Variants in DMD observed in about 807,000 individuals in gnomAD.
DMD encodes the protein mutant dystrophin.
In DMD, 63 loss-of-function variants were observed where a neutral mutation model predicts 330.1. The observed-to-expected ratio is 0.19, with a 90% confidence interval of 0.16 to 0.24. The LOEUF (loss-of-function observed/expected upper bound fraction) is 0.24, where lower values mean the gene tolerates loss of function less well. Among genes scored for constraint, DMD ranks in the 10% least tolerant of loss-of-function variants. The pLI, the probability that DMD is intolerant of heterozygous loss-of-function variation, is 1.00. For synonymous variants in DMD, 1,223 were observed against 959.8 expected, an observed-to-expected ratio of 1.27 and a Z score of -5.07; for missense variants, 3,344 against 2,684.1, an observed-to-expected ratio of 1.25 and a Z score of -5.43.
chrX:32,950,034 G>A (rs1461177555), intron 2 of DMD, among the ~76,000 whole-genome samples: 3 of 73,275 alleles, frequency 4.1e-5, no homozygotes, highest in Non-Finnish European at 7.8e-5. Flanking sequence ...CTAGTAGAAC[G>A]GTGGTGAATG....
intron 1 of DMD, among the ~76,000 whole-genome samples, chrX:33,290,240 T>G (rs2053493179): frequency 9.0e-6 from 1 of 111,596 alleles, no homozygotes; most frequent in Non-Finnish European, 1.9e-5. Flanking sequence ...ATTACACTTA[T>G]GACTTTATAA....
chrX:32,680,946 T>C (rs1443618754), intron 9 of DMD, among the ~76,000 whole-genome samples: 1 of 112,281 alleles, frequency 8.9e-6, no homozygotes. Context: ...GCCTTATTTA[T>C]TTCCTAGTTA....
intron 60 of DMD, among the ~76,000 whole-genome samples, chrX:31,425,885 G>C (rs1277118184): frequency 8.9e-6 from 1 of 111,907 alleles, no homozygotes; most frequent in Non-Finnish European, 1.9e-5. Flanking sequence ...GAATTAACCA[G>C]CTCTAGGTCT....
chrX:31,408,663 T>A (rs2061505769), intron 60 of DMD, among the ~76,000 whole-genome samples: 1 of 103,240 alleles, frequency 9.7e-6, no homozygotes, highest in African/African-American at 3.4e-5. Flanking sequence ...CCTCCCAAAG[T>A]GCTGGGATTA....
chrX:32,739,746 C>T (rs192933486), intron 7 of DMD, among the ~76,000 whole-genome samples: 4 of 110,835 alleles, frequency 3.6e-5, no homozygotes, highest in Admixed American at 9.7e-5. Flanking sequence ...AGCTTTTATA[C>T]TTTAGGGCAG....
In DMD at chrX:31,874,997, C is replaced by T. The variant is rs1287599170; in HGVS notation, c.7098+191G>A. 2.7e-5 allele frequency among the ~76,000 whole-genome samples: 3 copies of T among 111,435 alleles called. No individual in the cohort carries two copies. In the East Asian group the frequency reaches 8.5e-4, roughly 31 times the overall value. Reference sequence around the variant, plus strand: ...ATTTAGAGTTGAGCCCAATCTCTCTCTATCCAACCTCCTGTAATACTCCAT... The same window carrying T: ...ATTTAGAGTTGAGCCCAATCTCTCTTTATCCAACCTCCTGTAATACTCCAT... On this transcript the variant is annotated intron_variant, in intron 48 of 78. Transcript: ENST00000357033.
chrX:31,444,806 C>T (rs771242308), intron 59 of DMD, among the ~76,000 whole-genome samples, 179 bp from the exon 60 acceptor site: 22 of 111,360 alleles, frequency 2.0e-4, no homozygotes, highest in South Asian at 3.8e-4. Context: ...AAAAAGGAAA[C>T]GAAATCAAAA....
chrX:33,296,568 AATT>A (rs1369030759), intron 1 of DMD, among the ~76,000 whole-genome samples: 1 of 110,885 alleles, frequency 9.0e-6, no homozygotes, highest in Non-Finnish European at 1.9e-5. Context: ...TTTATTTGTC[AATT>A]ATTACTAAAT....
At chrX:33,241,206 C>T (rs1230012201) in intron 1 of DMD, among the ~76,000 whole-genome samples, 1 of 111,806 alleles carries the variant, frequency 8.9e-6, no homozygotes, top group East Asian at 2.8e-4. Context: ...TACGTTTATG[C>T]CTTTAATCCA....
At chrX:33,155,334 T>A (rs1160513650) in intron 1 of DMD, among the ~76,000 whole-genome samples, 1 of 107,807 alleles carries the variant, frequency 9.3e-6, no homozygotes, top group South Asian at 4.2e-4. Flanking sequence ...TTTTTTTTTT[T>A]AGACAGAGTC....
At chrX:32,433,374 G>A (rs1005462375) in intron 29 of DMD, among the ~76,000 whole-genome samples, 1 of 111,585 alleles carries the variant, frequency 9.0e-6, no homozygotes, top group African/African-American at 3.3e-5. Flanking sequence ...CTGTAGAATG[G>A]GAATATGAAA....
intron 2 of DMD, among the ~76,000 whole-genome samples, chrX:32,861,905 A>C (rs940896861): frequency 8.9e-6 from 1 of 111,821 alleles, no homozygotes; most frequent in African/African-American, 3.2e-5. Flanking sequence ...AATGCCAGGG[A>C]TGTCCATATC....
intron 44 of DMD, among the ~76,000 whole-genome samples, chrX:31,982,407 C>A (rs746625749): frequency 9.8e-4 from 109 of 111,207 alleles, no homozygotes; most frequent in African/African-American, 3.4e-3. Context: ...AAGAACAGAA[C>A]AAGAGGAAAT....
In DMD at chrX:31,824,836, A is replaced by C. The variant is rs192372380; in HGVS notation, c.7201-4753T>G. ...GTAAGAATTCATCACTTCCTAATTT[A>C]ACTATCATCAGTGCTCTTGAGACTA... On this transcript the variant is annotated intron_variant, in intron 49 of 78. Coordinates refer to ENST00000357033, the MANE Select transcript of DMD (RefSeq NM_004006.3). Among the ~76,000 whole-genome samples, 86 of 111,825 alleles carry C rather than the reference A, an allele frequency of 7.7e-4. No individual in the cohort carries two copies. The East Asian group carries it at 0.02, about 26-fold the overall frequency.
At chrX:31,546,533 G>A (rs1446490774) in intron 55 of DMD, among the ~76,000 whole-genome samples, 1 of 112,340 alleles carries the variant, frequency 8.9e-6, no homozygotes, top group Non-Finnish European at 1.9e-5. Context: ...GGTGCTGACC[G>A]ATGCTCTCCT....
intron 44 of DMD, among the ~76,000 whole-genome samples, chrX:32,103,029 C>G (rs2096547423): frequency 9.0e-6 from 1 of 111,505 alleles, no homozygotes; most frequent in African/African-American, 3.3e-5. Context: ...TAGGTTACTC[C>G]CTGTGATTAC....
chrX:31,151,957 G>A (rs1297289095), intron 74 of DMD, among the ~76,000 whole-genome samples: 1 of 111,689 alleles, frequency 9.0e-6, no homozygotes, highest in African/African-American at 3.3e-5. Context: ...CTTTTTCTGT[G>A]AGTGTTGTAC....
chrX:31,967,002 C>T (rs2095356734), intron 45 of DMD, among the ~76,000 whole-genome samples: 1 of 109,874 alleles, frequency 9.1e-6, no homozygotes, highest in African/African-American at 3.3e-5. Flanking sequence ...TTAATTTTCT[C>T]ATTTCTTACC....
chrX:33,231,359 T>C (rs1156904156), intron 1 of DMD, among the ~76,000 whole-genome samples: 1 of 112,161 alleles, frequency 8.9e-6, no homozygotes, highest in African/African-American at 3.2e-5. Context: ...TCTCACGTTC[T>C]AGTGAGTATT....
Sources: gnomAD v4.1 joint callset for allele counts (sites outside exome capture counted in the v4.1 genomes callset) on GRCh38, gnomAD v4.1.1 for gene constraint, MANE v1.5 for transcripts, NCBI Gene and HGNC (gene_info 2026-07-23, HGNC 2026-07-21) for gene names.